C5orf63: variants seen among roughly 807,000 people sequenced by gnomAD.
C5orf63 encodes the protein glutaredoxin-like protein C5orf63.
A neutral mutation model predicts 13.3 loss-of-function variants in C5orf63; 18 were observed. That is an observed-to-expected ratio of 1.36 (90% CI 0.94 to 2.01). C5orf63 has a LOEUF of 2.01. Ranked by LOEUF, C5orf63 falls within the 30% of genes most tolerant of loss-of-function variation. C5orf63 has a pLI of 0.00. For synonymous variants in C5orf63, 38 were observed against 44.7 expected (o/e 0.85, Z 0.60); for missense variants, 118 against 127.7 (o/e 0.92, Z 0.36).
chr5:127,048,612 G>A (rs889051655), downstream of C5orf63, among the ~76,000 whole-genome samples: 2 of 152,054 alleles, frequency 1.3e-5, no homozygotes, highest in Non-Finnish European at 2.9e-5. Context: ...TCCTTGAAAT[G>A]TAGCATCTAT....
intron 2 of C5orf63, 128 bp from the exon 3 acceptor site, chr5:127,059,130 G>A: frequency 1.5e-6 from 1 of 653,516 alleles, no homozygotes; most frequent in South Asian, 1.8e-5. Context: ...GTCCAGGAGT[G>A]TTGGAAAGAC....
Position 127,051,823 on chromosome 5 carries a change from G to C in C5orf63, c.296C>G (p.Ser99Ter). 1 of 1,533,706 alleles carries C rather than the reference G, an allele frequency of 6.5e-7. No homozygotes were observed. The highest frequency in any genetic ancestry group is 8.7e-7 in the Non-Finnish European group (1 of 1,145,614). ...QFLMMHRVNT[S>*]KLEKQLLKLE... The stretch of plus-strand genomic sequence containing the variant: ...TTTCAGGAGCTGTTTTTCAAGTTTT[G>C]AGGTGTTTACTCGATGCATCATCAG... The change falls in exon 5 of 5, where the codon TCA becomes TGA. Residue 99 changes from serine to a stop codon, truncating the protein, a stop_gained. Coordinates refer to ENST00000296662, the MANE Select transcript of C5orf63 (RefSeq NM_001164478.2). LOFTEE classifies it high-confidence loss of function.
At chr5:127,060,106 C>G (rs1454411197) in intron 2 of C5orf63, among the ~76,000 whole-genome samples, 1 of 152,064 alleles carries the variant, frequency 6.6e-6, no homozygotes, top group Non-Finnish European at 1.5e-5. Context: ...CCACTGTACT[C>G]CAACCTGGGC....
chr5:127,071,831 T>C (rs1024569885), intron 1 of C5orf63, 146 bp from the exon 2 acceptor site: 4 of 152,092 alleles, frequency 2.6e-5, no homozygotes, highest in African/African-American at 7.2e-5. Context: ...CCAGCTAGAG[T>C]ATATACAAGT....
At chr5:127,044,715 TC>T (rs1753483808), downstream of C5orf63, 1 of 149,504 alleles carries the variant, frequency 6.7e-6, no homozygotes, top group Admixed American at 6.7e-5. Context: ...TGAACTCTCC[TC>T]CCCACAATTC....
At chr5:127,050,927 AC>A (rs1753651772), downstream of C5orf63, among the ~76,000 whole-genome samples, 1 of 152,368 alleles carries the variant, frequency 6.6e-6, no homozygotes, top group African/African-American at 2.4e-5. Context: ...AAATAAGGGT[AC>A]GCAAATACAT....
downstream of C5orf63, chr5:127,047,752 A>G: frequency 1.4e-6 from 1 of 703,942 alleles, no homozygotes; most frequent in Non-Finnish European, 2.6e-6. Flanking sequence ...GTCACTTGAA[A>G]TTGTTTTTGG....
At position 127,051,748 on chromosome 5, in the gene C5orf63, G is replaced by A; in HGVS notation, c.*23C>T. On this transcript the variant is annotated 3_prime_UTR_variant, in exon 5 of 5. Transcript: ENST00000296662. ...GGAAGATGCTTTATGGGAAGAGAGG[G>A]TGGAAAATCATGAGGGCATCAGTCA... 6.8e-7 allele frequency: 1 copy of A among 1,469,202 alleles called. No homozygotes were observed. The highest frequency in any genetic ancestry group is 9.0e-7 in the Non-Finnish European group (1 of 1,114,948). The allele number at this position is 1,469,202 out of a possible 1,614,324, so 91.0% of individuals were successfully genotyped here.
intron 2 of C5orf63, among the ~76,000 whole-genome samples, chr5:127,060,293 C>T (rs948108807): frequency 6.6e-6 from 1 of 152,136 alleles, no homozygotes; most frequent in African/African-American, 2.4e-5. Context: ...AAACCTCATA[C>T]ACAAATGTAC....
At chr5:127,051,242 A>C (rs1753661615), downstream of C5orf63, 1 of 1,114,644 alleles carries the variant, frequency 9.0e-7, no homozygotes, top group Admixed American at 4.3e-5. Context: ...CTACTCAACA[A>C]AAATGAACTC....
At chr5:127,067,627 G>C (rs1401001922) in intron 2 of C5orf63, among the ~76,000 whole-genome samples, 8 of 152,132 alleles carry the variant, frequency 5.3e-5, no homozygotes, top group Non-Finnish European at 1.0e-4. Flanking sequence ...TTTAGATTTT[G>C]AGAAATCAAG....
chr5:127,052,466 C>T (rs886083273), intron 4 of C5orf63, 147 bp downstream of exon 4: 1 of 528,276 alleles, frequency 1.9e-6, no homozygotes, highest in African/African-American at 2.0e-5. Context: ...TGGTAATAAG[C>T]ACTAAACTCT....
At chr5:127,054,050 TC>T (rs2126884383) in intron 3 of C5orf63, among the ~76,000 whole-genome samples, 1 of 152,252 alleles carries the variant, frequency 6.6e-6, no homozygotes, top group Admixed American at 6.5e-5. Flanking sequence ...TTTCAAAAAG[TC>T]AACACAGGAT....
chr5:127,061,904 G>T (rs1213816400), intron 2 of C5orf63, among the ~76,000 whole-genome samples: 1 of 152,208 alleles, frequency 6.6e-6, no homozygotes, highest in Non-Finnish European at 1.5e-5. Flanking sequence ...CCCTGGAAAT[G>T]AGGAGGATTA....
intron 2 of C5orf63, among the ~76,000 whole-genome samples, chr5:127,059,364 GC>G (rs1413933212): frequency 2.0e-5 from 3 of 151,864 alleles, no homozygotes; most frequent in African/African-American, 7.3e-5. Flanking sequence ...TCCTGAGATG[GC>G]TTTTATTCTC....
At chr5:127,064,406 A>G (rs546178294) in intron 2 of C5orf63, among the ~76,000 whole-genome samples, 1 of 152,258 alleles carries the variant, frequency 6.6e-6, no homozygotes, top group African/African-American at 2.4e-5. Context: ...AAGGAGGTAG[A>G]GCCAACTCAA....
At chr5:127,069,680 C>A (rs1380660215) in intron 2 of C5orf63, among the ~76,000 whole-genome samples, 1 of 152,174 alleles carries the variant, frequency 6.6e-6, no homozygotes. Flanking sequence ...ATACAGTCTT[C>A]AATCTGAATG....
intron 2 of C5orf63, among the ~76,000 whole-genome samples, chr5:127,065,338 G>C (rs528740883): frequency 2.0e-5 from 3 of 152,258 alleles, no homozygotes; most frequent in Admixed American, 6.5e-5. Context: ...AGGAAATACT[G>C]TAACAGGGCC....
intron 3 of C5orf63, among the ~76,000 whole-genome samples, chr5:127,054,538 T>C (rs1753803346): frequency 6.6e-6 from 1 of 152,256 alleles, no homozygotes. Context: ...TGTCTTCTTT[T>C]GAAAAGTGTC....
Sources: allele counts gnomAD v4.1 joint callset (sites outside exome capture counted in the v4.1 genomes callset), GRCh38; gene constraint gnomAD v4.1.1; transcripts MANE v1.5; gene names NCBI Gene and HGNC (gene_info 2026-07-23, HGNC 2026-07-21).